DYNC1H1: variants seen among roughly 807,000 people sequenced by gnomAD.
The protein encoded by DYNC1H1 is cytoplasmic dynein 1 heavy chain 1.
In DYNC1H1, 51 loss-of-function variants were observed where a neutral mutation model predicts 527.1. That is an observed-to-expected ratio of 0.10 (90% CI 0.08 to 0.12). DYNC1H1 has a LOEUF of 0.12. DYNC1H1 is among the 10% of genes least tolerant of loss of function. The pLI is 1.00. For synonymous variants in DYNC1H1, 2,189 were observed against 2,278.8 expected (o/e 0.96, Z 1.12); for missense variants, 2,771 against 5,971.8 (o/e 0.46, Z 17.66).
At chr14:101,978,885 G>A (rs2047831342) in intron 2 of DYNC1H1, among the ~76,000 whole-genome samples, 1 of 152,164 alleles carries the variant, frequency 6.6e-6, no homozygotes, top group African/African-American at 2.4e-5. Context: ...GGTGTCTCAG[G>A]GTGGGAAAGA....
intron 1 of DYNC1H1, among the ~76,000 whole-genome samples, chr14:101,967,964 C>T (rs1262652829): frequency 1.3e-5 from 2 of 152,152 alleles, no homozygotes; most frequent in Non-Finnish European, 2.9e-5. Flanking sequence ...AAAGAGAAAC[C>T]TTTGTATAGT....
Position 102,012,513 on chromosome 14 carries a change from G to A in DYNC1H1, c.7014+43G>A. On this transcript the variant is annotated intron_variant, in intron 34 of 77. Coordinates refer to ENST00000360184, the MANE Select transcript of DYNC1H1 (RefSeq NM_001376.5). This position sits in a 1 kb window ranked among gnomAD's most constrained non-coding sequence, Gnocchi z 4.9. ...TGTCGTCAACTGAATAATTCCTTTT[G>A]GCCAACTAAACTTCGTGTGCTAGCT... The A allele has an allele frequency of 6.2e-7, 1 of 1,613,826 alleles. No individual in the cohort carries two copies. The highest frequency in any genetic ancestry group is 8.5e-7 in the Non-Finnish European group (1 of 1,179,950).
chr14:101,968,360 T>C (rs1595592069), intron 1 of DYNC1H1, among the ~76,000 whole-genome samples: 1 of 151,850 alleles, frequency 6.6e-6, no homozygotes, highest in Non-Finnish European at 1.5e-5. Context: ...GGCCCAGTCA[T>C]GGCTCATTGC....
chr14:102,041,664 C>T lies in DYNC1H1; in HGVS notation c.12032C>T (p.Thr4011Ile). ...LLAMAHMFVS[T>I]NLGESFMSIM... ...GCCATGGCCCACATGTTTGTTTCAA[C>T]AAACCTTGGGGAGTCTTTCATGTCC... The change falls in exon 65 of 78, where the codon ACA becomes ATA. Residue 4011 changes from threonine to isoleucine, a missense_variant. This residue lies in a region of DYNC1H1 where 120 missense variants were observed against 161.9 expected (regional missense o/e 0.74). Coordinates refer to ENST00000360184, the MANE Select transcript of DYNC1H1 (RefSeq NM_001376.5). This position sits in a 1 kb window ranked among gnomAD's most constrained non-coding sequence, Gnocchi z 4.5. 6.2e-7 allele frequency: 1 copy of T among 1,614,222 alleles called. No individual in the cohort carries two copies. Among genetic ancestry groups the T allele is most frequent in the East Asian group, 2.2e-5 (1 of 44,876 alleles).
rs369832867 is a variant in DYNC1H1 at position 102,039,364 on chromosome 14, C to T, written c.11461-48C>T. ...GCTCCTTGGCCACGCAGAAGTTCAG[C>T]GGGGTGCCGAGGGAGCTGCCTCACC... On this transcript the variant is annotated intron_variant, in intron 60 of 77. Coordinates refer to ENST00000360184, the MANE Select transcript of DYNC1H1 (RefSeq NM_001376.5). The surrounding 1 kb of genome is among the most constrained non-coding windows in gnomAD (Gnocchi z 7.0). 32 of 1,613,854 alleles carry T rather than the reference C, an allele frequency of 2.0e-5. No homozygotes were observed. The highest frequency in any genetic ancestry group is 3.3e-5 in the Admixed American group (2 of 60,032).
At chr14:102,048,267 G>A in intron 73 of DYNC1H1, 2 of 710,378 alleles carry the variant, frequency 2.8e-6, no homozygotes, top group Non-Finnish European at 4.6e-6. Context: ...GCCACAGCGA[G>A]CAGCCGCAGC....
At position 101,991,465 on chromosome 14, in the gene DYNC1H1, T is replaced by TA. The variant is rs529817840; in HGVS notation, c.2869-55dup. Reference sequence around the variant, plus strand: ...GGGCAGTAAGAGTGAAACTCTGTCTTAAAAAAATTTTTTTTATTGAAAAAT... The same window carrying TA: ...GGGCAGTAAGAGTGAAACTCTGTCTTAAAAAAAATTTTTTTTATTGAAAAAT... On this transcript the variant is annotated intron_variant, in intron 10 of 77. Coordinates refer to ENST00000360184, the MANE Select transcript of DYNC1H1 (RefSeq NM_001376.5). 1.7e-3 allele frequency: 2,709 copies of TA among 1,606,408 alleles called. 4 individuals carry two copies. The highest frequency in any genetic ancestry group is 2.2e-3 in the Non-Finnish European group (2,573 of 1,176,340).
rs763702892 is a variant in DYNC1H1 at position 101,985,884 on chromosome 14, C to T, written c.1659C>T (p.Tyr553=). 1.9e-6 allele frequency: 3 copies of T among 1,614,168 alleles called. No homozygotes were observed. The highest frequency in any genetic ancestry group is 1.1e-5 in the South Asian group (1 of 91,082). The change falls in exon 8 of 78, where the codon TAC becomes TAT. Residue 553 remains tyrosine, a synonymous_variant. Transcript: ENST00000360184. This position sits in a 1 kb window ranked among gnomAD's most constrained non-coding sequence, Gnocchi z 5.9. Reference sequence around the variant, plus strand: ...CCTGGGAGGCTGCTATGAAGAGGTACGATGAGAGGATCGACAGAGTGGAGA... The same window carrying T: ...CCTGGGAGGCTGCTATGAAGAGGTATGATGAGAGGATCGACAGAGTGGAGA... The part of the protein sequence containing the change: ...TEAWEAAMKR[Y]DERIDRVETR...
chr14:101,990,860 T>G (rs1176819094), intron 10 of DYNC1H1, among the ~76,000 whole-genome samples: 1 of 151,832 alleles, frequency 6.6e-6, no homozygotes, highest in Non-Finnish European at 1.5e-5. Flanking sequence ...AATACAAAAA[T>G]TAGCTGGGCG....
In DYNC1H1 at chr14:101,997,073, G is replaced by A. The variant is rs727505393; in HGVS notation, c.3603G>A (p.Arg1201=). Reference sequence around the variant, plus strand: ...GCCAGCGCTTACTGGAAAAGCAAAGGTTCCAGTTCCCACCTTCCTGGCTTT... The same window carrying A: ...GCCAGCGCTTACTGGAAAAGCAAAGATTCCAGTTCCCACCTTCCTGGCTTT... ...RNGQRLLEKQ[R]FQFPPSWLYI... is the part of the protein sequence containing the mutation. The change falls in exon 16 of 78, where the codon AGG becomes AGA. Residue 1201 remains arginine, a synonymous_variant. Coordinates refer to ENST00000360184, the MANE Select transcript of DYNC1H1 (RefSeq NM_001376.5). This position sits in a 1 kb window ranked among gnomAD's most constrained non-coding sequence, Gnocchi z 4.8. The A allele has an allele frequency of 2.5e-6, 4 of 1,614,192 alleles. No homozygotes were observed. The highest frequency in any genetic ancestry group is 2.2e-5 in the East Asian group (1 of 44,886).
chr14:102,045,565 C>T (rs1431970334), intron 72 of DYNC1H1, among the ~76,000 whole-genome samples: 1 of 151,738 alleles, frequency 6.6e-6, no homozygotes, highest in Non-Finnish European at 1.5e-5. Context: ...GAGCTGAGAA[C>T]GCGCCATTGC....
intron 29 of DYNC1H1, 111 bp from the exon 30 acceptor site, chr14:102,009,732 C>T (rs1184345316): frequency 1.9e-6 from 3 of 1,557,716 alleles, no homozygotes; most frequent in South Asian, 2.3e-5. Context: ...GCGTCTACTT[C>T]AGCTCCCTGG....
At chr14:102,030,321 G>A (rs775564904) in intron 51 of DYNC1H1, 39 bp downstream of exon 51, 65 of 1,613,876 alleles carry the variant, frequency 4.0e-5, no homozygotes, top group Non-Finnish European at 5.4e-5. Context: ...TCTAGGAAGG[G>A]TGGTCTCCGT....
At chr14:101,966,214 A>C (rs1281539183) in intron 1 of DYNC1H1, among the ~76,000 whole-genome samples, 2 of 152,230 alleles carry the variant, frequency 1.3e-5, no homozygotes, top group Non-Finnish European at 2.9e-5. Flanking sequence ...GGCTATTCTT[A>C]CTCAGAAGAT....
At position 102,010,723 on chromosome 14, in the gene DYNC1H1, C is replaced by T. The variant is rs1481827315; in HGVS notation, c.6406-17C>T. 6.2e-7 allele frequency: 1 copy of T among 1,612,150 alleles called. No individual in the cohort carries two copies. The highest frequency in any genetic ancestry group is 1.1e-5 in the South Asian group (1 of 90,996). On this transcript the variant is annotated splice_polypyrimidine_tract_variant and intron_variant, in intron 31 of 77. Transcript: ENST00000360184. The surrounding 1 kb of genome is among the most constrained non-coding windows in gnomAD (Gnocchi z 6.0). ...GAGCCATGCTGCGCTGCTCACAGCCCAGCCCTCTCCCCGTAGATTCTGATA... is the reference window on the plus strand; with the variant it reads ...GAGCCATGCTGCGCTGCTCACAGCCTAGCCCTCTCCCCGTAGATTCTGATA...
intron 11 of DYNC1H1, among the ~76,000 whole-genome samples, chr14:101,993,867 C>T (rs1000363098): frequency 3.9e-5 from 6 of 152,176 alleles, no homozygotes; most frequent in Non-Finnish European, 8.8e-5. Context: ...TTTTTATCTG[C>T]TTGTTGTACC....
At position 101,964,997 on chromosome 14, in the gene DYNC1H1, C is replaced by G; in HGVS notation, c.256+50C>G. ...CGCCAGAGCCAGGCCTCGCGGAATG[C>G]AGGGCCTGCCAGGTCCTCCGGGGTC... On this transcript the variant is annotated intron_variant, in intron 1 of 77. Coordinates refer to ENST00000360184, the MANE Select transcript of DYNC1H1 (RefSeq NM_001376.5). This position sits in a 1 kb window ranked among gnomAD's most constrained non-coding sequence, Gnocchi z 5.5. 2 of 1,536,450 alleles carry G rather than the reference C, an allele frequency of 1.3e-6. No individual in the cohort carries two copies. The highest frequency in any genetic ancestry group is 1.8e-6 in the Non-Finnish European group (2 of 1,138,842).
intron 51 of DYNC1H1, among the ~76,000 whole-genome samples, chr14:102,031,328 T>G (rs904215989): frequency 6.6e-6 from 1 of 152,126 alleles, no homozygotes; most frequent in Non-Finnish European, 1.5e-5. Flanking sequence ...CAGCCTTCCC[T>G]GTTTCAGATG....
chr14:102,018,367 G>A lies in DYNC1H1; in HGVS notation c.8178-84G>A. 1 of 1,560,960 alleles carries A rather than the reference G, an allele frequency of 6.4e-7. No individual in the cohort carries two copies. Among genetic ancestry groups the A allele is most frequent in the South Asian group, 1.2e-5 (1 of 86,540 alleles). On this transcript the variant is annotated intron_variant, in intron 40 of 77. Transcript: ENST00000360184. This position sits in a 1 kb window ranked among gnomAD's most constrained non-coding sequence, Gnocchi z 5.2. Reference sequence around the variant, plus strand: ...GGAAGCGACCTCCAGACAGGGCCCTGGACAGGGCGACTCCACTGGCACACT... The same window carrying A: ...GGAAGCGACCTCCAGACAGGGCCCTAGACAGGGCGACTCCACTGGCACACT...
Sources: allele counts gnomAD v4.1 joint callset (sites outside exome capture counted in the v4.1 genomes callset), GRCh38; gene constraint gnomAD v4.1.1; regional missense constraint gnomAD v4.1.1; non-coding constraint Gnocchi (gnomAD v3.1); transcripts MANE v1.5; gene names NCBI Gene and HGNC (gene_info 2026-07-23, HGNC 2026-07-21).